The following CEP162 variants were observed in gnomAD, a reference collection of about 807,000 sequenced individuals.
CEP162 encodes the protein centrosomal protein of 162 kDa.
A neutral mutation model predicts 169.2 loss-of-function variants in CEP162; 141 were observed. The observed-to-expected ratio is 0.83, with a 90% CI of 0.73 to 0.96. The LOEUF (loss-of-function observed/expected upper bound fraction) is 0.96, where lower values mean the gene tolerates loss of function less well. Ranked by LOEUF, CEP162 falls within the 40% of genes least tolerant of loss-of-function variation. CEP162 has a pLI of 0.00. For synonymous variants in CEP162, 540 were observed against 526.4 expected (o/e 1.03, Z -0.35); for missense variants, 1,600 against 1,587.2 (o/e 1.01, Z -0.14).
At chr6:84,160,122 T>C (rs138977750) in intron 21 of CEP162, among the ~76,000 whole-genome samples, 3 of 152,248 alleles carry the variant, frequency 2.0e-5, no homozygotes, top group African/African-American at 7.2e-5. Context: ...GACTACAGAA[T>C]CATGTTCCCT....
intron 17 of CEP162, among the ~76,000 whole-genome samples, chr6:84,171,228 A>C (rs540659916): frequency 6.6e-6 from 1 of 152,314 alleles, no homozygotes; most frequent in South Asian, 2.1e-4. Flanking sequence ...GAAGATCATA[A>C]GTGATACTGT....
At chr6:84,194,601 G>T (rs767359659) in intron 10 of CEP162, among the ~76,000 whole-genome samples, 1 of 151,910 alleles carries the variant, frequency 6.6e-6, no homozygotes, top group Non-Finnish European at 1.5e-5. Flanking sequence ...CTATAGGCGT[G>T]TGCCACCATG....
At chr6:84,194,384 G>GA (rs1368498489) in intron 10 of CEP162, among the ~76,000 whole-genome samples, 1 of 140,174 alleles carries the variant, frequency 7.1e-6, no homozygotes, top group African/African-American at 2.5e-5. Context: ...AAAAGAAAGT[G>GA]AAATTTCGTT....
At chr6:84,206,379 C>T (rs1174266004) in intron 6 of CEP162, among the ~76,000 whole-genome samples, 1 of 152,000 alleles carries the variant, frequency 6.6e-6, no homozygotes, top group South Asian at 2.1e-4. Context: ...GAGATGTAGA[C>T]CAATGGAACA....
chr6:84,216,505 G>A (rs974892876), intron 3 of CEP162, among the ~76,000 whole-genome samples: 1 of 152,104 alleles, frequency 6.6e-6, no homozygotes, highest in Non-Finnish European at 1.5e-5. Flanking sequence ...CTCATGCCAG[G>A]TTATGTGCAT....
At chr6:84,180,355 A>G (rs1008787552) in intron 13 of CEP162, among the ~76,000 whole-genome samples, 8 of 152,176 alleles carry the variant, frequency 5.3e-5, no homozygotes, top group Non-Finnish European at 1.2e-4. Flanking sequence ...CAAAATAATA[A>G]GAGCTATTTA....
chr6:84,213,686 A>G (rs941490722), intron 5 of CEP162, among the ~76,000 whole-genome samples: 3 of 152,248 alleles, frequency 2.0e-5, no homozygotes, highest in Non-Finnish European at 4.4e-5. Flanking sequence ...GTTCAATGCT[A>G]TTCTGTACTT....
intron 25 of CEP162, among the ~76,000 whole-genome samples, chr6:84,131,630 G>A (rs2129184985): frequency 6.6e-6 from 1 of 151,996 alleles, no homozygotes; most frequent in South Asian, 2.1e-4. Context: ...TTGGTTTAAA[G>A]TCTTTTTTAT....
At chr6:84,183,902 C>A (rs1268468082) in intron 13 of CEP162, among the ~76,000 whole-genome samples, 1 of 152,130 alleles carries the variant, frequency 6.6e-6, no homozygotes, top group African/African-American at 2.4e-5. Flanking sequence ...TTCGTATCTT[C>A]TCTTTTCTCT....
At chr6:84,226,205 G>T in intron 2 of CEP162, 132 bp downstream of exon 2, 1 of 634,256 alleles carries the variant, frequency 1.6e-6, no homozygotes, top group South Asian at 1.9e-5. Context: ...TGGCAGAAAA[G>T]GGACAGGGCT....
At position 84,222,301 on chromosome 6, in the gene CEP162, C is replaced by A. The variant is rs546659306; in HGVS notation, c.58-1130G>T. 3.3e-5 allele frequency among the ~76,000 whole-genome samples: 5 copies of A among 152,286 alleles called. No homozygotes were observed. In the East Asian group the frequency reaches 7.7e-4, roughly 24 times the overall value. On this transcript the variant is annotated intron_variant, in intron 2 of 26. Transcript: ENST00000403245. Reference sequence around the variant, plus strand: ...GTGATCAACTCTTAAACTCTTACTTCTTGAAACTCTCTACCTTGACTTTAG... The same window carrying A: ...GTGATCAACTCTTAAACTCTTACTTATTGAAACTCTCTACCTTGACTTTAG...
At position 84,163,183 on chromosome 6, in the gene CEP162, CT is replaced by C. The variant is rs2099526456; in HGVS notation, c.2472del (p.Glu825ArgfsTer20). Reference sequence around the variant, plus strand: ...ATCTGATCTTTGGCTTGGTCCCTCTCTTTCTTCATTTTTTCGAAGTCTACTT... The same window carrying C: ...ATCTGATCTTTGGCTTGGTCCCTCTCTTCTTCATTTTTTCGAAGTCTACTT... Reference protein sequence around the residue: ...ALEVDFEKMKKERDQAKDQIA... With the variant: ...ALEVDFEKMKXERDQAKDQIA... On this transcript the variant is annotated frameshift_variant, in exon 19 of 27. Coordinates refer to ENST00000403245, the MANE Select transcript of CEP162 (RefSeq NM_014895.4). LOFTEE classifies it high-confidence loss of function. 1 of 1,613,402 alleles carries C rather than the reference CT, an allele frequency of 6.2e-7. No homozygotes were observed.
chr6:84,174,726 C>T lies in CEP162; in HGVS notation c.2025+1G>A. On this transcript the variant is annotated splice_donor_variant, in intron 15 of 26. Transcript: ENST00000403245. LOFTEE classifies it high-confidence loss of function. ...AAATACCAGAACAATGTATCTAGTA[C>T]CTTGGCTTGAAGAATATAATTATCT... is the stretch of plus-strand genomic sequence containing the variant. The T allele has an allele frequency of 1.5e-6, 2 of 1,371,998 alleles. No homozygotes were observed. The highest frequency in any genetic ancestry group is 2.0e-6 in the Non-Finnish European group (2 of 984,402). 85.0% of individuals were successfully genotyped at this position (1,371,998 alleles called of 1,614,324 possible). A position where few individuals can be genotyped will look rare whatever the true frequency, so the allele number is the denominator to read the frequency against.
At chr6:84,140,604 A>C (rs2099516166) in intron 25 of CEP162, among the ~76,000 whole-genome samples, 1 of 152,014 alleles carries the variant, frequency 6.6e-6, no homozygotes, top group Non-Finnish European at 1.5e-5. Flanking sequence ...CAGCTCACTG[A>C]AGCCTTGAAC....
chr6:84,161,689 A>G (rs1421648473), intron 20 of CEP162, 57 bp downstream of exon 20: 2 of 1,204,216 alleles, frequency 1.7e-6, no homozygotes, highest in African/African-American at 1.5e-5. Flanking sequence ...TGTACAACAG[A>G]TATTACGGAC....
At chr6:84,129,104 G>A (rs2099510161) in intron 25 of CEP162, among the ~76,000 whole-genome samples, 1 of 152,124 alleles carries the variant, frequency 6.6e-6, no homozygotes, top group Non-Finnish European at 1.5e-5. Context: ...ATGGGCATTT[G>A]GGTTGGTTCC....
At chr6:84,165,386 T>C (rs2099527416) in intron 18 of CEP162, among the ~76,000 whole-genome samples, 1 of 152,048 alleles carries the variant, frequency 6.6e-6, no homozygotes, top group African/African-American at 2.4e-5. Flanking sequence ...GAGGTCAAAG[T>C]GTTGTGCCCC....
At chr6:84,193,926 T>C (rs9449831) in intron 10 of CEP162, among the ~76,000 whole-genome samples, 37,356 of 152,110 alleles carry the variant, frequency 0.25, 10,565 homozygotes, top group African/African-American at 0.7. Context: ...TATCTATACA[T>C]ACACACACGC....
Position 84,146,692 on chromosome 6 carries a change from T to C in CEP162, c.3865A>G (p.Lys1289Glu). The change falls in exon 25 of 27, where the codon AAA (lysine) becomes GAA (glutamate). Residue 1289 changes from lysine (K) to glutamate (E), a missense_variant. Physicochemically the swap from Lys to Glu is moderately conservative, Grantham distance 56. Coordinates refer to ENST00000403245, the MANE Select transcript of CEP162 (RefSeq NM_014895.4). Reference protein sequence around the residue: ...VSEVREEILQKEITKLLEELR... With the variant: ...VSEVREEILQEEITKLLEELR... ...ATATTTTGGCCATTTCTTACCTCTTTCTGTAGAATTTCTTCTCGAACTTCA... is the reference window on the plus strand; with the variant it reads ...ATATTTTGGCCATTTCTTACCTCTTCCTGTAGAATTTCTTCTCGAACTTCA... The C allele has an allele frequency of 6.5e-7, 1 of 1,536,892 alleles. No homozygotes were observed. Among genetic ancestry groups the C allele is most frequent in the Non-Finnish European group, 8.8e-7 (1 of 1,131,074 alleles).
Sources: allele counts gnomAD v4.1 joint callset (sites outside exome capture counted in the v4.1 genomes callset), GRCh38; gene constraint gnomAD v4.1.1; transcripts MANE v1.5; gene names NCBI Gene and HGNC (gene_info 2026-07-23, HGNC 2026-07-21).